ZBTB8A: variants seen among roughly 807,000 people sequenced by gnomAD.
ZBTB8A encodes zinc finger and BTB domain containing 8A, also known as zinc finger and BTB domain-containing protein 8A.
A neutral mutation model predicts 37.8 loss-of-function variants in ZBTB8A; 19 were observed. The ratio of observed to expected loss-of-function variants is 0.50; its 90% CI spans 0.35 to 0.74. ZBTB8A has a LOEUF of 0.74. Among genes scored for constraint, ZBTB8A ranks in the 30% least tolerant of loss-of-function variants. ZBTB8A has a pLI of 0.01. For synonymous variants in ZBTB8A, 181 were observed against 185.2 expected (o/e 0.98, Z 0.19); for missense variants, 394 against 537.8 (o/e 0.73, Z 2.65).
intron 2 of ZBTB8A, among the ~76,000 whole-genome samples, chr1:32,553,855 C>T (rs910074788): frequency 1.4e-5 from 2 of 143,942 alleles, no homozygotes; most frequent in African/African-American, 2.6e-5. Flanking sequence ...CATTGCACTC[C>T]AGCCTGGGCA....
rs150383904 is a variant in ZBTB8A, at chr1:32,555,666, A to G, written c.-2+2126A>G. Among the ~76,000 whole-genome samples the G allele has an allele frequency of 8.5e-5, 13 of 152,186 alleles. No homozygotes were observed. The East Asian group carries it at 1.2e-3, about 14-fold the overall frequency. ...GCCCATGCTTCCTCTGAGCCCCTTC[A>G]TTTCTGCTAACAGCCTAATTGCTAT... On this transcript the variant is annotated intron_variant, in intron 2 of 4. Coordinates refer to ENST00000373510, the MANE Select transcript of ZBTB8A (RefSeq NM_001040441.3).
chr1:32,550,613 C>G (rs530907257), intron 1 of ZBTB8A, among the ~76,000 whole-genome samples: 22 of 149,904 alleles, frequency 1.5e-4, no homozygotes, highest in Admixed American at 1.3e-3. Context: ...GAGAATGAGA[C>G]CCTGTAGCAA....
At position 32,571,141 on chromosome 1, in the gene ZBTB8A, G is replaced by A. The variant is rs150350611; in HGVS notation, c.-2+17601G>A. Among the ~76,000 whole-genome samples, 1,412 of 152,282 alleles carry A rather than the reference G, an allele frequency of 9.3e-3. 22 individuals carry two copies. Among genetic ancestry groups the A allele is most frequent in the African/African-American group, 0.031 (1,301 of 41,558 alleles). On this transcript the variant is annotated intron_variant, in intron 2 of 4. Transcript: ENST00000373510. Reference sequence around the variant, plus strand: ...TCCACCCACCCCAGCCTCCCAAAGTGCTGGGATTACAGGCGTGAGCCACCA... The same window carrying A: ...TCCACCCACCCCAGCCTCCCAAAGTACTGGGATTACAGGCGTGAGCCACCA...
rs561433903 is a variant in ZBTB8A, at chr1:32,547,588, C to G, written c.-83-5871C>G. On this transcript the variant is annotated intron_variant, in intron 1 of 4. Coordinates refer to ENST00000373510, the MANE Select transcript of ZBTB8A (RefSeq NM_001040441.3). ...GGTTATAGATCTCATTCTCAGGCCA[C>G]TGCACTCCAGCCTGAGTGACAGAGC... Among the ~76,000 whole-genome samples, 4 of 137,856 alleles carry G rather than the reference C, an allele frequency of 2.9e-5. No homozygotes were observed. The Admixed American group carries it at 3.2e-4, about 11-fold the overall frequency. The allele number at this position is 137,856 out of a possible 152,430, so 90.4% of individuals were successfully genotyped here.
At chr1:32,557,293 C>T (rs1454092220) in intron 2 of ZBTB8A, among the ~76,000 whole-genome samples, 1 of 152,116 alleles carries the variant, frequency 6.6e-6, no homozygotes, top group Non-Finnish European at 1.5e-5. Flanking sequence ...CAGAGCCAGA[C>T]TCCCATCTCA....
intron 2 of ZBTB8A, among the ~76,000 whole-genome samples, chr1:32,567,611 G>A (rs562991878): frequency 5.3e-5 from 8 of 150,572 alleles, no homozygotes; most frequent in South Asian, 2.1e-4. Flanking sequence ...TGGCTAACAC[G>A]GTGAAACCCG....
chr1:32,579,961 G>A (rs893853507), intron 2 of ZBTB8A, among the ~76,000 whole-genome samples: 2 of 152,144 alleles, frequency 1.3e-5, no homozygotes, highest in African/African-American at 4.8e-5. Flanking sequence ...TTCACACGTT[G>A]TAGTTAGTTA....
intron 2 of ZBTB8A, among the ~76,000 whole-genome samples, chr1:32,573,282 G>A (rs1644336092): frequency 6.7e-6 from 1 of 149,250 alleles, no homozygotes; most frequent in Non-Finnish European, 1.5e-5. Flanking sequence ...CAGCACGTTG[G>A]TCAGGCTGGT....
intron 2 of ZBTB8A, among the ~76,000 whole-genome samples, chr1:32,581,000 T>C (rs968290304): frequency 4.1e-5 from 6 of 147,898 alleles, no homozygotes; most frequent in Admixed American, 2.9e-4. Flanking sequence ...ACTTCTTTAA[T>C]CTACCTCTTA....
intron 1 of ZBTB8A, among the ~76,000 whole-genome samples, chr1:32,548,137 T>TAAAAA (rs770998213): frequency 2.1e-4 from 14 of 65,760 alleles, no homozygotes; most frequent in East Asian, 9.7e-4. Flanking sequence ...CGTCTCAAAT[T>TAAAAA]AAAAAAAAAA....
chr1:32,602,718 A>AT lies in ZBTB8A; in HGVS notation c.*2305dup, dbSNP rs1263121828. 5.3e-5 allele frequency: 8 copies of AT among 151,392 alleles called. No homozygotes were observed. The highest frequency in any genetic ancestry group is 8.8e-5 in the Non-Finnish European group (6 of 67,880). The allele number at this position is 151,392 out of a possible 1,614,324, so 9.4% of individuals were successfully genotyped here. A position where few individuals can be genotyped will look rare whatever the true frequency, so the allele number is the denominator to read the frequency against. On this transcript the variant is annotated 3_prime_UTR_variant, in exon 5 of 5. Coordinates refer to ENST00000373510, the MANE Select transcript of ZBTB8A (RefSeq NM_001040441.3). Reference sequence around the variant, plus strand: ...AGGCGCCCACCACCACTCCCAGCTAATTTTTTGTATTTTTAATAGAGATGG... The same window carrying AT: ...AGGCGCCCACCACCACTCCCAGCTAATTTTTTTGTATTTTTAATAGAGATGG...
rs183238051 is a variant in ZBTB8A at position 32,562,957 on chromosome 1, A to T, written c.-2+9417A>T. Among the ~76,000 whole-genome samples the T allele has an allele frequency of 3.0e-4, 45 of 152,270 alleles. No individual in the cohort carries two copies. In the Middle Eastern group the frequency reaches 0.014, roughly 46 times the overall value. On this transcript the variant is annotated intron_variant, in intron 2 of 4. Coordinates refer to ENST00000373510, the MANE Select transcript of ZBTB8A (RefSeq NM_001040441.3). ...TGGTATTATAAAATGTAAATCATTT[A>T]TATTATAAGACATGTCCACAGAGTT...
intron 2 of ZBTB8A, among the ~76,000 whole-genome samples, chr1:32,581,701 C>T (rs528384964): frequency 6.6e-6 from 1 of 152,078 alleles, no homozygotes; most frequent in South Asian, 2.1e-4. Flanking sequence ...CACACTGATA[C>T]GAAGAAATAC....
In ZBTB8A at chr1:32,595,193, G is replaced by A; in HGVS notation, c.963G>A (p.Arg321=). The A allele has an allele frequency of 1.2e-5, 19 of 1,614,118 alleles. No individual in the cohort carries two copies. The highest frequency in any genetic ancestry group is 1.5e-5 in the Non-Finnish European group (18 of 1,180,016). ...AAGCTTGTGGAAAAAGATTTAGCAG[G>A]CTAGACCATCTAAGTAGCCATTTTC... ...PCQACGKRFS[R]LDHLSSHFRT... Residue 321 remains arginine (R), a synonymous_variant, in exon 4 of 5, where the codon AGG becomes AGA. Transcript: ENST00000373510.
chr1:32,545,836 T>C (rs1644099334), intron 1 of ZBTB8A, among the ~76,000 whole-genome samples: 1 of 152,242 alleles, frequency 6.6e-6, no homozygotes, highest in Admixed American at 6.5e-5. Flanking sequence ...GTTGAGCCTT[T>C]TGGAAATGTT....
chr1:32,560,897 A>T (rs1422575632), intron 2 of ZBTB8A, among the ~76,000 whole-genome samples: 1 of 152,002 alleles, frequency 6.6e-6, no homozygotes, highest in East Asian at 1.9e-4. Flanking sequence ...AAGTGCTGGG[A>T]TTACAGGCAT....
intron 2 of ZBTB8A, among the ~76,000 whole-genome samples, chr1:32,567,954 A>G (rs1043474907): frequency 6.6e-6 from 1 of 151,954 alleles, no homozygotes; most frequent in African/African-American, 2.4e-5. Flanking sequence ...AGCCTGGCTA[A>G]CATGGTGAAA....
intron 2 of ZBTB8A, among the ~76,000 whole-genome samples, chr1:32,565,578 C>T (rs1480301172): frequency 6.6e-6 from 1 of 152,088 alleles, no homozygotes; most frequent in South Asian, 2.1e-4. Flanking sequence ...CTCTTGAGCC[C>T]AGGAGTCTGA....
rs539402304 is a variant in ZBTB8A at position 32,583,665 on chromosome 1, C to G, written c.-1-9266C>G. On this transcript the variant is annotated intron_variant, in intron 2 of 4. Transcript: ENST00000373510. ...ATGTAATTAAATTAAGACATGGTCACTAGGGTAGGGTGGGCCCTTAATCCA... is the reference window on the plus strand; with the variant it reads ...ATGTAATTAAATTAAGACATGGTCAGTAGGGTAGGGTGGGCCCTTAATCCA... Among the ~76,000 whole-genome samples, 202 of 152,224 alleles carry G rather than the reference C, an allele frequency of 1.3e-3. 2 individuals are homozygous for G. Among genetic ancestry groups the G allele is most frequent in the African/African-American group, 4.4e-3 (184 of 41,542 alleles).
Sources: gnomAD v4.1 joint callset for allele counts (sites outside exome capture counted in the v4.1 genomes callset) on GRCh38, gnomAD v4.1.1 for gene constraint, MANE v1.5 for transcripts, NCBI Gene and HGNC (gene_info 2026-07-23, HGNC 2026-07-21) for gene names.